PARP2: variants seen among roughly 807,000 people sequenced by gnomAD.
The protein encoded by PARP2 is poly(ADP-ribose) polymerase 2, also known as poly [ADP-ribose] polymerase 2.
Under a neutral mutation model 77.8 loss-of-function variants are expected in PARP2, and 57 were observed. The ratio of observed to expected loss-of-function variants is 0.73; its 90% CI spans 0.59 to 0.91. The LOEUF is 0.91. PARP2 is among the 40% of genes least tolerant of loss of function. The pLI is 0.00. For synonymous variants in PARP2, 226 were observed against 242.6 expected (o/e 0.93, Z 0.64); for missense variants, 651 against 689.0 (o/e 0.94, Z 0.62).
rs752976873 is a variant in PARP2 at position 20,343,662 on chromosome 14, G to A, written c.21G>A (p.Arg7=). 6.2e-7 allele frequency: 1 copy of A among 1,610,758 alleles called. No individual in the cohort carries two copies. The highest frequency in any genetic ancestry group is 8.5e-7 in the Non-Finnish European group (1 of 1,179,116). ...ATTCCATGGCGGCGCGGCGGCGACG[G>A]AGCACCGGCGGCGGCAGGGCGAGAG... MAARRR[R]STGGGRARAL... is the part of the protein sequence containing the mutation. The change falls in exon 1 of 16, where the codon CGG becomes CGA. Residue 7 remains arginine (R), a synonymous_variant. Transcript: ENST00000429687.
In PARP2 at chr14:20,354,364, A is replaced by T. The variant is rs1884067407; in HGVS notation, c.763+117A>T. The T allele has an allele frequency of 6.9e-6, 6 of 865,804 alleles. No individual in the cohort carries two copies. The East Asian group carries it at 1.5e-4, about 22-fold the overall frequency. The allele number at this position is 865,804 out of a possible 1,614,324, so 53.6% of individuals were successfully genotyped here. On this transcript the variant is annotated intron_variant, in intron 8 of 15. Coordinates refer to ENST00000429687, the MANE Select transcript of PARP2 (RefSeq NM_001042618.2). Reference sequence around the variant, plus strand: ...CATAGTACTGAATGAAGAAAATGGGATTTGGGGTGACAGGTTGTATGGAGG... The same window carrying T: ...CATAGTACTGAATGAAGAAAATGGGTTTTGGGGTGACAGGTTGTATGGAGG...
intron 4 of PARP2, among the ~76,000 whole-genome samples, chr14:20,349,194 G>C (rs550184585): frequency 1.3e-5 from 2 of 151,592 alleles, no homozygotes; most frequent in Admixed American, 6.6e-5. Context: ...CAAAAACACC[G>C]GGCATGGGCC....
intron 4 of PARP2, among the ~76,000 whole-genome samples, chr14:20,347,978 A>G (rs1040965529): frequency 1.3e-5 from 2 of 151,924 alleles, no homozygotes; most frequent in Non-Finnish European, 2.9e-5. Flanking sequence ...GGCTCCAGCA[A>G]TCCTCCCACC....
chr14:20,345,850 A>G (rs998633114), intron 3 of PARP2, among the ~76,000 whole-genome samples: 3 of 152,086 alleles, frequency 2.0e-5, no homozygotes, highest in African/African-American at 7.2e-5. Context: ...AGCAGGGGAG[A>G]GAGAGAGAGA....
chr14:20,347,356 G>GTC (rs1168423656), intron 4 of PARP2, among the ~76,000 whole-genome samples: 1 of 29,562 alleles, frequency 3.4e-5, no homozygotes, highest in South Asian at 1.7e-3. Context: ...ATGTGTGTGT[G>GTC]TATATATATA....
intron 3 of PARP2, 94 bp from the exon 4 acceptor site, chr14:20,346,769 G>A: frequency 1.3e-6 from 1 of 795,398 alleles, no homozygotes; most frequent in South Asian, 1.4e-5. Flanking sequence ...GCTGTAGAAT[G>A]ATGACTTGAG....
At chr14:20,344,133 C>T (rs544040506) in intron 1 of PARP2, 1 of 166,972 alleles carries the variant, frequency 6.0e-6, no homozygotes, top group South Asian at 1.6e-4. Flanking sequence ...TAGGTGCACC[C>T]TATAAATTAG....
At chr14:20,349,653 G>A (rs1324492415) in intron 4 of PARP2, among the ~76,000 whole-genome samples, 5 of 152,106 alleles carry the variant, frequency 3.3e-5, no homozygotes, top group African/African-American at 7.2e-5. Context: ...CAGCCTGGGC[G>A]ACAGAGCAAG....
intron 3 of PARP2, among the ~76,000 whole-genome samples, chr14:20,345,811 A>T (rs1883696683): frequency 6.6e-6 from 1 of 152,120 alleles, no homozygotes; most frequent in Non-Finnish European, 1.5e-5. Context: ...GCAGAAGGTG[A>T]AGCGGGAATA....
intron 12 of PARP2, 56 bp from the exon 13 acceptor site, chr14:20,356,534 G>T: frequency 1.9e-6 from 3 of 1,598,792 alleles, no homozygotes. Context: ...GCTTTTTTAT[G>T]CTTATGGCCT....
chr14:20,349,697 C>G (rs1432753136), intron 4 of PARP2, among the ~76,000 whole-genome samples: 1 of 151,990 alleles, frequency 6.6e-6, no homozygotes, highest in Non-Finnish European at 1.5e-5. Context: ...ATCTTAGGCT[C>G]CTTTTTGTTC....
At chr14:20,345,946 A>G (rs1358611964) in intron 3 of PARP2, among the ~76,000 whole-genome samples, 1 of 152,104 alleles carries the variant, frequency 6.6e-6, no homozygotes, top group Non-Finnish European at 1.5e-5. Flanking sequence ...CTTTTAAACT[A>G]CCAAATCTTG....
intron 7 of PARP2, chr14:20,352,558 C>CTTTTTTTTTT (rs374239476): frequency 0.096 from 20,593 of 214,428 alleles, 3,012 homozygotes; most frequent in African/African-American, 0.38. Flanking sequence ...GATTTTTTTT[C>CTTTTTTTTTT]TTTTTTTTTT....
intron 3 of PARP2, among the ~76,000 whole-genome samples, chr14:20,346,271 G>GA (rs1197214771): frequency 5.4e-5 from 8 of 149,524 alleles, no homozygotes; most frequent in Non-Finnish European, 8.9e-5. Flanking sequence ...GATGAATGGG[G>GA]AAAAAAGAAG....
rs774986716 is a variant in PARP2 at position 20,347,356 on chromosome 14, GTATATATATATATATATATA to G, written c.324+467_324+486del. Among the ~76,000 whole-genome samples, 278 of 29,562 alleles carry G rather than the reference GTATATATATATATATATATA, an allele frequency of 9.4e-3. 6 individuals carry two copies. Among genetic ancestry groups the G allele is most frequent in the African/African-American group, 0.023 (142 of 6,114 alleles). 19.4% of individuals were successfully genotyped at this position (29,562 alleles called of 152,430 possible). A position where few individuals can be genotyped will look rare whatever the true frequency, so the allele number is the denominator to read the frequency against. On this transcript the variant is annotated intron_variant, in intron 4 of 15. Transcript: ENST00000429687. Reference sequence around the variant, plus strand: ...CCTAAAGTCCTTCATATGTGTGTGTGTATATATATATATATATATATATATATATATATATATATATATTT... The same window carrying G: ...CCTAAAGTCCTTCATATGTGTGTGTGTATATATATATATATATATATATTT...
intron 7 of PARP2, among the ~76,000 whole-genome samples, chr14:20,353,311 G>A (rs1374326618): frequency 6.6e-6 from 1 of 151,330 alleles, no homozygotes; most frequent in African/African-American, 2.4e-5. Flanking sequence ...GCGCGATCTC[G>A]GCTCACTGCA....
intron 4 of PARP2, among the ~76,000 whole-genome samples, chr14:20,347,387 TATATATATATA>T (rs1419775335): frequency 6.6e-4 from 14 of 21,266 alleles, no homozygotes; most frequent in African/African-American, 1.2e-3. Context: ...TATATATATA[TATATATATATA>T]TTTTTTTTTT....
At chr14:20,354,339 C>T (rs897387392) in intron 8 of PARP2, 92 bp downstream of exon 8, 8 of 1,069,580 alleles carry the variant, frequency 7.5e-6, no homozygotes, top group Non-Finnish European at 9.7e-6. Flanking sequence ...AAAGCTTGCT[C>T]ATAGTACTGA....
At chr14:20,354,621 A>G (rs564055545) in intron 8 of PARP2, 188 bp from the exon 9 acceptor site, 19 of 588,558 alleles carry the variant, frequency 3.2e-5, no homozygotes, top group African/African-American at 2.6e-4. Context: ...ACCGGAGCCC[A>G]GGAGGTTGAA....
Sources: allele counts gnomAD v4.1 joint callset (sites outside exome capture counted in the v4.1 genomes callset), GRCh38; gene constraint gnomAD v4.1.1; transcripts MANE v1.5; gene names NCBI Gene and HGNC (gene_info 2026-07-23, HGNC 2026-07-21).